The following KHDRBS2 variants were observed in gnomAD, a reference collection of about 807,000 sequenced individuals.
KHDRBS2 encodes KH RNA binding domain containing, signal transduction associated 2.
KHDRBS2 carries 26 observed loss-of-function variants against 44.3 expected under a neutral mutation model. The ratio of observed to expected loss-of-function variants is 0.59; its 90% CI spans 0.43 to 0.81. The LOEUF is 0.81. Ranked by LOEUF, KHDRBS2 falls within the 40% of genes least tolerant of loss-of-function variation. The pLI is 0.00. For synonymous variants in KHDRBS2, 194 were observed against 151.1 expected (o/e 1.28, Z -2.08); for missense variants, 476 against 433.1 (o/e 1.10, Z -0.88).
Position 62,128,484 on chromosome 6 carries a change from T to C in KHDRBS2, c.219+48701A>G, listed in dbSNP as rs549325660. Among the ~76,000 whole-genome samples the C allele has an allele frequency of 4.5e-4, 69 of 152,198 alleles. No homozygotes were observed. The South Asian group carries it at 0.014, about 31-fold the overall frequency. ...TTACTGGAAATACAGGAAAGGTAAC[T>C]TTTAGGAATGAGACACCATTTAAGT... On this transcript the variant is annotated intron_variant, in intron 2 of 8. Coordinates refer to ENST00000281156, the MANE Select transcript of KHDRBS2 (RefSeq NM_152688.4).
Position 61,680,763 on chromosome 6 carries a change from T to C in KHDRBS2, c.*200A>G. The C allele has an allele frequency of 2.3e-6, 1 of 433,234 alleles. No individual in the cohort carries two copies. Among genetic ancestry groups the C allele is most frequent in the Non-Finnish European group, 4.1e-6 (1 of 241,722 alleles). 26.8% of individuals were successfully genotyped at this position (433,234 alleles called of 1,614,324 possible). A position where few individuals can be genotyped will look rare whatever the true frequency, so the allele number is the denominator to read the frequency against. ...TGCTAATGTCTTTTTCAGTCTGTTT[T>C]GTAAAATAATACTAGTGTCAATGTC... On this transcript the variant is annotated 3_prime_UTR_variant, in exon 9 of 9. Coordinates refer to ENST00000281156, the MANE Select transcript of KHDRBS2 (RefSeq NM_152688.4).
At chr6:61,627,125 C>T in the KHDRBS2 span, among the ~76,000 whole-genome samples, 83 of 150,968 alleles carry the variant, frequency 5.5e-4, 1 homozygote, top group South Asian at 0.016. Flanking sequence ...TGGTAGCGGG[C>T]GCCTGTAGTC....
chr6:62,122,037 C>T (rs1807781884), intron 2 of KHDRBS2, among the ~76,000 whole-genome samples: 1 of 151,980 alleles, frequency 6.6e-6, no homozygotes, highest in South Asian at 2.1e-4. Context: ...GTGTGTTACT[C>T]CAGCCCATTT....
At chr6:62,168,912 G>T (rs532516474) in intron 2 of KHDRBS2, among the ~76,000 whole-genome samples, 1 of 151,452 alleles carries the variant, frequency 6.6e-6, no homozygotes, top group Non-Finnish European at 1.5e-5. Context: ...TTATGATGCT[G>T]ACTGTAATAT....
chr6:61,814,484 G>A (rs1376468676), intron 6 of KHDRBS2, among the ~76,000 whole-genome samples: 5 of 149,064 alleles, frequency 3.4e-5, no homozygotes, highest in African/African-American at 1.3e-4. Context: ...CTGCGTGCCT[G>A]TAATCCCAGC....
chr6:62,048,421 C>T (rs1788229644), intron 2 of KHDRBS2, among the ~76,000 whole-genome samples: 1 of 151,652 alleles, frequency 6.6e-6, no homozygotes, highest in Admixed American at 6.6e-5. Context: ...AGTTTGCAAT[C>T]AATATTTTAA....
chr6:62,119,115 A>G (rs1806993355), intron 2 of KHDRBS2, among the ~76,000 whole-genome samples: 1 of 152,142 alleles, frequency 6.6e-6, no homozygotes, highest in Non-Finnish European at 1.5e-5. Context: ...GGGTTACTGG[A>G]GTTGGGTGCT....
the KHDRBS2 span, among the ~76,000 whole-genome samples, chr6:61,648,745 G>A: frequency 6.6e-6 from 1 of 152,238 alleles, no homozygotes; most frequent in East Asian, 1.9e-4. Context: ...TGTGGCCTGA[G>A]TAAAATATAA....
chr6:61,613,884 T>C, the KHDRBS2 span, among the ~76,000 whole-genome samples: 1 of 152,154 alleles, frequency 6.6e-6, no homozygotes, highest in Admixed American at 6.5e-5. Flanking sequence ...CTCAAGTAGT[T>C]TACCAGATGA....
At position 61,844,428 on chromosome 6, in the gene KHDRBS2, T is replaced by A. The variant is rs551462469; in HGVS notation, c.810+50207A>T. ...ATCCCATATTTTACTAATTCCTGCA[T>A]CTATCTTATAAATCAGATGAACAGG... On this transcript the variant is annotated intron_variant, in intron 6 of 8. Transcript: ENST00000281156. Among the ~76,000 whole-genome samples, 3 of 152,304 alleles carry A rather than the reference T, an allele frequency of 2.0e-5. No homozygotes were observed. In the East Asian group the frequency reaches 5.8e-4, roughly 29 times the overall value.
rs1768013231 is a variant in KHDRBS2, at chr6:61,697,307, A to C, written c.894-54T>G. 1.2e-5 allele frequency: 14 copies of C among 1,129,086 alleles called. No homozygotes were observed. In the Admixed American group the frequency reaches 2.4e-4, roughly 19 times the overall value. 69.9% of individuals were successfully genotyped at this position (1,129,086 alleles called of 1,614,324 possible). ...TTACTATAACCAGGAAATTCAACCC[A>C]GAAACTCATATGGAATTTGAAGGCA... On this transcript the variant is annotated intron_variant, in intron 7 of 8. Transcript: ENST00000281156.
chr6:62,140,411 C>T (rs1191909262), intron 2 of KHDRBS2, among the ~76,000 whole-genome samples: 1 of 152,034 alleles, frequency 6.6e-6, no homozygotes, highest in East Asian at 1.9e-4. Context: ...TTTGTCGGGG[C>T]AAGACTAGAG....
intron 3 of KHDRBS2, among the ~76,000 whole-genome samples, chr6:62,009,982 C>T (rs1463003400): frequency 6.6e-6 from 1 of 152,108 alleles, no homozygotes; most frequent in African/African-American, 2.4e-5. Context: ...CCTAGTGGAG[C>T]TATGAGAACA....
chr6:62,190,995 T>C (rs138210671), intron 1 of KHDRBS2, among the ~76,000 whole-genome samples: 104 of 152,242 alleles, frequency 6.8e-4, no homozygotes, highest in African/African-American at 2.4e-3. Context: ...TGAAAATCCA[T>C]ATAAAACTTG....
At chr6:62,101,112 C>T (rs1245498420) in intron 2 of KHDRBS2, among the ~76,000 whole-genome samples, 1 of 152,132 alleles carries the variant, frequency 6.6e-6, no homozygotes, top group Non-Finnish European at 1.5e-5. Context: ...AATGTTCAGG[C>T]AGTTGTTTTT....
chr6:62,270,704 C>T (rs1839953504), intron 1 of KHDRBS2, among the ~76,000 whole-genome samples: 1 of 151,982 alleles, frequency 6.6e-6, no homozygotes, highest in African/African-American at 2.4e-5. Flanking sequence ...TTTACCTCAA[C>T]TTTTTTAAAG....
At chr6:62,083,561 C>G (rs145774465) in intron 2 of KHDRBS2, among the ~76,000 whole-genome samples, 3 of 152,226 alleles carry the variant, frequency 2.0e-5, no homozygotes, top group Non-Finnish European at 4.4e-5. Flanking sequence ...CCTCTGGGGT[C>G]CAGGGGTTTT....
intron 2 of KHDRBS2, among the ~76,000 whole-genome samples, chr6:62,086,388 T>C (rs1379893678): frequency 6.6e-6 from 1 of 152,148 alleles, no homozygotes; most frequent in East Asian, 1.9e-4. Context: ...AATATTTAAT[T>C]AAGCAAGACA....
At chr6:61,956,356 AG>A (rs778051378) in intron 4 of KHDRBS2, among the ~76,000 whole-genome samples, 39 of 152,244 alleles carry the variant, frequency 2.6e-4, no homozygotes, top group Non-Finnish European at 4.6e-4. Context: ...AAGACATCAT[AG>A]GGGGTAAACT....
Sources: gnomAD v4.1 joint callset for allele counts (sites outside exome capture counted in the v4.1 genomes callset) on GRCh38, gnomAD v4.1.1 for gene constraint, MANE v1.5 for transcripts, NCBI Gene and HGNC (gene_info 2026-07-23, HGNC 2026-07-21) for gene names.